Variants in FGD6 observed in about 807,000 individuals in gnomAD.
The protein encoded by FGD6 is FYVE, RhoGEF and PH domain containing 6.
FGD6 carries 90 observed loss-of-function variants against 149.4 expected under a neutral mutation model. The observed-to-expected ratio is 0.60, with a 90% CI of 0.51 to 0.72. The LOEUF (loss-of-function observed/expected upper bound fraction) is 0.72. FGD6 is among the 30% of genes least tolerant of loss of function. FGD6 has a pLI of 0.00. For synonymous variants in FGD6, 527 were observed against 584.0 expected, an observed-to-expected ratio of 0.90 and a Z score of 1.41; for missense variants, 1,437 against 1,684.8, an observed-to-expected ratio of 0.85 and a Z score of 2.57.
chr12:95,198,715 C>T (rs993491798), intron 2 of FGD6, among the ~76,000 whole-genome samples: 1 of 152,192 alleles, frequency 6.6e-6, no homozygotes, highest in African/African-American at 2.4e-5. Context: ...GGGTTACAGG[C>T]GTGAGCCACT....
chr12:95,194,980 T>A (rs56358799), intron 2 of FGD6, among the ~76,000 whole-genome samples: 1 of 152,200 alleles, frequency 6.6e-6, no homozygotes, highest in African/African-American at 2.4e-5. Context: ...TTAATTTCTA[T>A]GCTGTTTTTT....
At chr12:95,204,752 C>T (rs548313280) in intron 2 of FGD6, among the ~76,000 whole-genome samples, 4 of 152,248 alleles carry the variant, frequency 2.6e-5, no homozygotes, top group Admixed American at 2.6e-4. Flanking sequence ...AATTCACCTC[C>T]CTTGGGCTGG....
At chr12:95,133,786 C>T (rs2136257409) in intron 8 of FGD6, among the ~76,000 whole-genome samples, 1 of 152,294 alleles carries the variant, frequency 6.6e-6, no homozygotes, top group Non-Finnish European at 1.5e-5. Flanking sequence ...ATGTTTGGTA[C>T]TGAGACTACA....
Position 95,211,207 on chromosome 12 carries a change from G to A in FGD6, c.77C>T (p.Ala26Val), listed in dbSNP as rs1411443461. 2 of 1,612,016 alleles carry A rather than the reference G, an allele frequency of 1.2e-6. No homozygotes were observed. Among genetic ancestry groups the A allele is most frequent in the South Asian group, 2.2e-5 (2 of 90,660 alleles). ...PKFVVANNKP[A>V]PPPIAPKPDI... The stretch of plus-strand genomic sequence containing the variant: ...GGGTTTAGGTGCAATAGGAGGTGGG[G>A]CTGGCTTATTATTTGCCACAACAAA... Residue 26 changes from alanine (A) to valine (V), a missense_variant, in exon 2 of 21, where the codon GCC (alanine) becomes GTC (valine). By Grantham distance (64) the Ala-to-Val change is moderately conservative (BLOSUM62 0). Coordinates refer to ENST00000343958, the MANE Select transcript of FGD6 (RefSeq NM_018351.4).
chr12:95,217,278 C>G lies in FGD6; in HGVS notation c.-38G>C. The G allele has an allele frequency of 6.3e-7, 1 of 1,596,912 alleles. No homozygotes were observed. Among genetic ancestry groups the G allele is most frequent in the Non-Finnish European group, 8.6e-7 (1 of 1,168,318 alleles). On this transcript the variant is annotated 5_prime_UTR_variant, in exon 1 of 21. The change abolishes the stop of an existing upstream ORF in the 5' untranslated region. Transcript: ENST00000343958. Reference sequence around the variant, plus strand: ...CAGCTCGCTTCCCCGCTCGGCCCCTCAATCCATCTTCCCCTTTCAGTCCAT... The same window carrying G: ...CAGCTCGCTTCCCCGCTCGGCCCCTGAATCCATCTTCCCCTTTCAGTCCAT...
Position 95,186,228 on chromosome 12 carries a change from C to CT in FGD6, c.2442-13485dup, listed in dbSNP as rs1174763781. On this transcript the variant is annotated intron_variant, in intron 2 of 20. Coordinates refer to ENST00000343958, the MANE Select transcript of FGD6 (RefSeq NM_018351.4). Reference sequence around the variant, plus strand: ...TAAGAATGCTTCTTATATTCTTCTTCTTTTTTTTTTTTTTTTTTTTTTTTT... The same window carrying CT: ...TAAGAATGCTTCTTATATTCTTCTTCTTTTTTTTTTTTTTTTTTTTTTTTTT... Among the ~76,000 whole-genome samples, 21 of 39,004 alleles carry CT rather than the reference C, an allele frequency of 5.4e-4. 2 individuals are homozygous for CT. The highest frequency in any genetic ancestry group is 9.9e-4 in the Non-Finnish European group (20 of 20,208). 25.6% of individuals were successfully genotyped at this position (39,004 alleles called of 152,430 possible).
chr12:95,165,341 T>C (rs964675125), intron 3 of FGD6, among the ~76,000 whole-genome samples: 2 of 151,846 alleles, frequency 1.3e-5, no homozygotes, highest in Non-Finnish European at 2.9e-5. Context: ...TTTTTCTTTT[T>C]TTTTTTTTTG....
intron 3 of FGD6, among the ~76,000 whole-genome samples, chr12:95,160,753 G>A (rs1347852837): frequency 6.6e-6 from 1 of 152,080 alleles, no homozygotes; most frequent in Non-Finnish European, 1.5e-5. Context: ...AAACCCACCT[G>A]TGTGGGAGGC....
chr12:95,131,108 G>A (rs1427043027), intron 8 of FGD6, among the ~76,000 whole-genome samples: 5 of 128,362 alleles, frequency 3.9e-5, no homozygotes, highest in African/African-American at 1.4e-4. Flanking sequence ...TGGCTAAAGA[G>A]TTTTTTTTTT....
chr12:95,192,177 T>C (rs1393206641), intron 2 of FGD6, among the ~76,000 whole-genome samples: 1 of 152,208 alleles, frequency 6.6e-6, no homozygotes, highest in African/African-American at 2.4e-5. Flanking sequence ...ACCATCCATT[T>C]TCCCCCAAAA....
chr12:95,165,558 G>A (rs1189508991), intron 3 of FGD6, among the ~76,000 whole-genome samples: 2 of 151,332 alleles, frequency 1.3e-5, no homozygotes, highest in Non-Finnish European at 2.9e-5. Context: ...GGCTGGTCTC[G>A]AACTCCCGAC....
At chr12:95,176,113 G>T (rs905628075) in intron 2 of FGD6, among the ~76,000 whole-genome samples, 9 of 151,618 alleles carry the variant, frequency 5.9e-5, no homozygotes, top group South Asian at 4.1e-4. Flanking sequence ...TTATTTTTTT[G>T]AAAAAATAGA....
rs1213713609 is a variant in FGD6, at chr12:95,210,058, G to T, written c.1226C>A (p.Thr409Asn). ...NSQKAMCNETTSFEKMAPSFD... is the reference protein window; with the variant it reads ...NSQKAMCNETNSFEKMAPSFD... The stretch of plus-strand genomic sequence containing the variant: ...AGAAGGTGCCATTTTTTCAAAGGAA[G>T]TTGTTTCATTACACATGGCTTTCTG... Residue 409 changes from threonine to asparagine, a missense_variant, in exon 2 of 21, where the codon ACT becomes AAT. This residue lies in a region of FGD6 where 1,055 missense variants were observed against 1,146.0 expected (regional missense o/e 0.92). Transcript: ENST00000343958. 5 of 1,613,780 alleles carry T rather than the reference G, an allele frequency of 3.1e-6. No individual in the cohort carries two copies. In the Admixed American group the frequency reaches 6.7e-5, roughly 22 times the overall value.
intron 18 of FGD6, among the ~76,000 whole-genome samples, chr12:95,086,844 CTTTT>C (rs35618842): frequency 4.3e-5 from 4 of 92,892 alleles, no homozygotes; most frequent in Non-Finnish European, 4.3e-5. Flanking sequence ...CCACACCGGC[CTTTT>C]TTTTTTTTTT....
chr12:95,137,664 C>A lies in FGD6; in HGVS notation c.2852G>T (p.Arg951Ile). The part of the protein sequence containing the change: ...ERMLHWTEQQ[R>I]IADIFVKKGP... ...CTTCTTTACAAAGATATCAGCAATT[C>A]TTTGTTGTTCAGTCCTATGGATAGA... Residue 951 changes from arginine (R) to isoleucine (I), a missense_variant, in exon 7 of 21, where the codon AGA becomes ATA. Coordinates refer to ENST00000343958, the MANE Select transcript of FGD6 (RefSeq NM_018351.4). The A allele has an allele frequency of 6.3e-7, 1 of 1,599,990 alleles. No individual in the cohort carries two copies. The highest frequency in any genetic ancestry group is 8.5e-7 in the Non-Finnish European group (1 of 1,175,056).
intron 9 of FGD6, among the ~76,000 whole-genome samples, chr12:95,110,958 C>T (rs1878801403): frequency 6.6e-6 from 1 of 152,020 alleles, no homozygotes; most frequent in Non-Finnish European, 1.5e-5. Flanking sequence ...CCTTCCCTCA[C>T]CCTTGAAGTC....
chr12:95,114,545 AATT>A (rs1318899700), intron 8 of FGD6, among the ~76,000 whole-genome samples: 2 of 152,072 alleles, frequency 1.3e-5, no homozygotes, highest in African/African-American at 4.8e-5. Flanking sequence ...CAAAAAAAAA[AATT>A]ATCTGACCCC....
chr12:95,149,657 A>AAG (rs1438311034), intron 5 of FGD6, among the ~76,000 whole-genome samples: 2 of 2,916 alleles, frequency 6.9e-4, no homozygotes, highest in Non-Finnish European at 8.8e-4. Flanking sequence ...CCCTTTTTTC[A>AAG]AAAAAAAAGG....
At chr12:95,100,055 T>TCCCC (rs33962935) in intron 14 of FGD6, among the ~76,000 whole-genome samples, 35 of 129,184 alleles carry the variant, frequency 2.7e-4, no homozygotes, top group Non-Finnish European at 4.7e-4. Context: ...ACTTTTCTGA[T>TCCCC]CCCCCCCCCC....
Sources: allele counts gnomAD v4.1 joint callset (sites outside exome capture counted in the v4.1 genomes callset), GRCh38; gene constraint gnomAD v4.1.1; regional missense constraint gnomAD v4.1.1; transcripts MANE v1.5; gene names NCBI Gene and HGNC (gene_info 2026-07-23, HGNC 2026-07-21).